The following TNFRSF10D variants were observed in gnomAD, a reference collection of about 807,000 sequenced individuals.
The protein encoded by TNFRSF10D is TNF receptor superfamily member 10d, also known as tumor necrosis factor receptor superfamily member 10D.
Under a neutral mutation model 42.1 loss-of-function variants are expected in TNFRSF10D, and 28 were observed. That is an observed-to-expected ratio of 0.66 (90% CI 0.49 to 0.91). The LOEUF (loss-of-function observed/expected upper bound fraction) is 0.91, where lower values mean the gene tolerates loss of function less well. Among genes scored for constraint, TNFRSF10D ranks in the 40% least tolerant of loss-of-function variants. The pLI is 0.00. For missense variants in TNFRSF10D, 503 were observed against 486.1 expected (o/e 1.03, Z -0.33); for synonymous variants, 186 against 189.4 (o/e 0.98, Z 0.15).
chr8:23,146,665 G>T (rs1265669776), intron 4 of TNFRSF10D, among the ~76,000 whole-genome samples: 5 of 152,124 alleles, frequency 3.3e-5, no homozygotes, highest in Admixed American at 1.3e-4. Flanking sequence ...CATTTCCTAG[G>T]TTGCCTGAAA....
intron 1 of TNFRSF10D, among the ~76,000 whole-genome samples, chr8:23,158,309 T>C (rs529402282): frequency 4.7e-4 from 72 of 152,296 alleles, no homozygotes; most frequent in African/African-American, 1.7e-3. Context: ...GCCTTCAACG[T>C]AGGGTAACTC....
At chr8:23,156,698 G>A (rs1171918658) in intron 1 of TNFRSF10D, among the ~76,000 whole-genome samples, 1 of 152,024 alleles carries the variant, frequency 6.6e-6, no homozygotes, top group Non-Finnish European at 1.5e-5. Context: ...TAAGTGGCCG[G>A]GACCACAGAC....
Position 23,163,825 on chromosome 8 carries a change from G to C in TNFRSF10D, c.111C>G (p.Ile37Met). 2.5e-6 allele frequency: 4 copies of C among 1,609,168 alleles called. No individual in the cohort carries two copies. Among genetic ancestry groups the C allele is most frequent in the Non-Finnish European group, 3.4e-6 (4 of 1,178,478 alleles). Reference sequence around the variant, plus strand: ...CGACGATGAAGACGACGAACTTAAGGATCTTGGGGTCCAGGAGCCATGGTC... The same window carrying C: ...CGACGATGAAGACGACGAACTTAAGCATCTTGGGGTCCAGGAGCCATGGTC... The part of the protein sequence containing the change: ...GTRPWLLDPK[I>M]LKFVVFIVAV... The change falls in exon 1 of 9, where the codon ATC (isoleucine) becomes ATG (methionine). Residue 37 changes from isoleucine to methionine, a missense_variant. By Grantham distance (10) the Ile-to-Met change is conservative. Coordinates refer to ENST00000312584, the MANE Select transcript of TNFRSF10D (RefSeq NM_003840.5).
At chr8:23,138,071 C>A in intron 8 of TNFRSF10D, 68 bp from the exon 9 acceptor site, 3 of 1,607,022 alleles carry the variant, frequency 1.9e-6, no homozygotes, top group Non-Finnish European at 2.6e-6. Flanking sequence ...CGACATGGGG[C>A]CCCCTGCTTC....
At chr8:23,153,826 A>C (rs1417407842) in intron 2 of TNFRSF10D, among the ~76,000 whole-genome samples, 1 of 152,210 alleles carries the variant, frequency 6.6e-6, no homozygotes, top group Non-Finnish European at 1.5e-5. Context: ...TCCTCAAAAA[A>C]CAAAACATAG....
chr8:23,152,416 G>A (rs1800223351), intron 2 of TNFRSF10D, among the ~76,000 whole-genome samples: 1 of 152,240 alleles, frequency 6.6e-6, no homozygotes, highest in African/African-American at 2.4e-5. Context: ...GATTGTGGAA[G>A]ACAACACCTG....
chr8:23,136,373 C>A lies in TNFRSF10D; in HGVS notation c.*1497G>T. On this transcript the variant is annotated 3_prime_UTR_variant, in exon 9 of 9. Transcript: ENST00000312584. ...GCTCCTCAAACAGGGAATCTGTACC[C>A]TAAAACGCAGCTCAGGAATCTCTGC... 1 of 191,508 alleles carries A rather than the reference C, an allele frequency of 5.2e-6. No homozygotes were observed. The highest frequency in any genetic ancestry group is 1.1e-5 in the Non-Finnish European group (1 of 92,550). 11.9% of individuals were successfully genotyped at this position (191,508 alleles called of 1,614,324 possible).
intron 7 of TNFRSF10D, among the ~76,000 whole-genome samples, chr8:23,143,448 G>C (rs1014402781): frequency 6.6e-6 from 1 of 152,146 alleles, no homozygotes; most frequent in Non-Finnish European, 1.5e-5. Flanking sequence ...GGGCAACATA[G>C]CAAGATCAGA....
At chr8:23,159,978 A>C (rs1485218721) in intron 1 of TNFRSF10D, among the ~76,000 whole-genome samples, 1 of 150,952 alleles carries the variant, frequency 6.6e-6, no homozygotes, top group Non-Finnish European at 1.5e-5. Context: ...TCCCTCTATG[A>C]CTCTCAATGG....
Position 23,137,069 on chromosome 8 carries a change from T to C in TNFRSF10D, c.*801A>G, listed in dbSNP as rs1288766253. On this transcript the variant is annotated 3_prime_UTR_variant, in exon 9 of 9. Transcript: ENST00000312584. ...TTCCTAAAGTTTTTCCATGTTTACA[T>C]CATTATACAAAAATCGGAAAAGAGA... is the stretch of plus-strand genomic sequence containing the variant. 1 of 152,164 alleles carries C rather than the reference T, an allele frequency of 6.6e-6. No individual in the cohort carries two copies. Among genetic ancestry groups the C allele is most frequent in the African/African-American group, 2.4e-5 (1 of 41,440 alleles). 9.4% of individuals were successfully genotyped at this position (152,164 alleles called of 1,614,324 possible). A position where few individuals can be genotyped will look rare whatever the true frequency, so the allele number is the denominator to read the frequency against.
chr8:23,163,870 G>T lies in TNFRSF10D; in HGVS notation c.66C>A (p.Ala22=). The change falls in exon 1 of 9, where the codon GCC becomes GCA. Residue 22 remains alanine (A), a synonymous_variant. Transcript: ENST00000312584. ...SSARAGRYPG[A]RTASGTRPWL... ...ATGGTCTGGTTCCCGACGCTGTCCTGGCTCCTGGATAGCGCCCTGCTCGAG... is the reference window on the plus strand; with the variant it reads ...ATGGTCTGGTTCCCGACGCTGTCCTTGCTCCTGGATAGCGCCCTGCTCGAG... 1 of 1,603,878 alleles carries T rather than the reference G, an allele frequency of 6.2e-7. No individual in the cohort carries two copies. The highest frequency in any genetic ancestry group is 8.5e-7 in the Non-Finnish European group (1 of 1,176,648).
At chr8:23,151,811 C>CA (rs1018615695) in intron 2 of TNFRSF10D, among the ~76,000 whole-genome samples, 3 of 151,908 alleles carry the variant, frequency 2.0e-5, no homozygotes, top group African/African-American at 2.4e-5. Flanking sequence ...ATAATAGCTA[C>CA]AAAAAAAATG....
At chr8:23,139,000 G>A (rs1002344299) in intron 7 of TNFRSF10D, among the ~76,000 whole-genome samples, 4 of 152,128 alleles carry the variant, frequency 2.6e-5, no homozygotes, top group African/African-American at 9.7e-5. Flanking sequence ...TAGGCAACAA[G>A]ATGGAAAATT....
At chr8:23,140,130 A>C (rs541654629) in intron 7 of TNFRSF10D, among the ~76,000 whole-genome samples, 58 of 152,298 alleles carry the variant, frequency 3.8e-4, no homozygotes, top group African/African-American at 1.4e-3. Flanking sequence ...TCTACTAAAA[A>C]TACAAAAAAC....
rs192950673 is a variant in TNFRSF10D at position 23,155,445 on chromosome 8, C to T, written c.151-466G>A. ...TTTTATAAGAACACAAAAGGCCAGGCGCGGTGGCTCAGGCCTGTAATCACA... is the reference window on the plus strand; with the variant it reads ...TTTTATAAGAACACAAAAGGCCAGGTGCGGTGGCTCAGGCCTGTAATCACA... On this transcript the variant is annotated intron_variant, in intron 1 of 8. Coordinates refer to ENST00000312584, the MANE Select transcript of TNFRSF10D (RefSeq NM_003840.5). 4.7e-3 allele frequency among the ~76,000 whole-genome samples: 712 copies of T among 152,084 alleles called. 19 individuals carry two copies. The South Asian group carries it at 0.072, about 15-fold the overall frequency.
intron 1 of TNFRSF10D, among the ~76,000 whole-genome samples, chr8:23,156,352 C>G (rs1208209821): frequency 3.8e-3 from 570 of 150,994 alleles, no homozygotes; most frequent in African/African-American, 0.012. Context: ...GGGCTCTGTT[C>G]AACTACCTGG....
intron 1 of TNFRSF10D, among the ~76,000 whole-genome samples, chr8:23,155,948 A>T (rs1800273726): frequency 6.6e-6 from 1 of 152,210 alleles, no homozygotes; most frequent in Non-Finnish European, 1.5e-5. Flanking sequence ...TTTCTGCTTC[A>T]CAAAGGACCT....
At chr8:23,163,700 C>A in intron 1 of TNFRSF10D, 86 bp downstream of exon 1, 1 of 1,534,420 alleles carries the variant, frequency 6.5e-7, no homozygotes, top group Non-Finnish European at 8.8e-7. Context: ...CCGGGCCAAG[C>A]ATCCCCACCG....
intron 4 of TNFRSF10D, 121 bp downstream of exon 4, chr8:23,146,840 A>G (rs1800127402): frequency 2.5e-6 from 2 of 805,110 alleles, no homozygotes; most frequent in Non-Finnish European, 4.1e-6. Context: ...GAAACCCCAC[A>G]GGCTCAGGGA....
Sources: allele counts gnomAD v4.1 joint callset (sites outside exome capture counted in the v4.1 genomes callset), GRCh38; gene constraint gnomAD v4.1.1; transcripts MANE v1.5; gene names NCBI Gene and HGNC (gene_info 2026-07-23, HGNC 2026-07-21).